The following ATXN7L1 variants were observed in gnomAD, a reference collection of about 807,000 sequenced individuals.
ATXN7L1 encodes the protein ataxin 7 like 1.
ATXN7L1 carries 15 observed loss-of-function variants against 70.8 expected under a neutral mutation model. The observed-to-expected ratio is 0.21, with a 90% confidence interval of 0.14 to 0.33. The LOEUF (loss-of-function observed/expected upper bound fraction) is 0.33. Ranked by LOEUF, ATXN7L1 falls within the 10% of genes least tolerant of loss-of-function variation. The pLI is 1.00. For synonymous variants in ATXN7L1, 440 were observed against 445.1 expected (o/e 0.99, Z 0.14); for missense variants, 975 against 1,097.1 (o/e 0.89, Z 1.57).
intron 2 of ATXN7L1, among the ~76,000 whole-genome samples, chr7:105,835,090 T>C (rs200484301): frequency 2.7e-5 from 4 of 150,282 alleles, no homozygotes; most frequent in South Asian, 4.2e-4. Flanking sequence ...GGCTTCACTT[T>C]CTGTGCTCCA....
intron 3 of ATXN7L1, among the ~76,000 whole-genome samples, chr7:105,752,664 C>T (rs1799347302): frequency 1.3e-5 from 2 of 152,158 alleles, no homozygotes; most frequent in South Asian, 4.1e-4. Context: ...CAACCCAGGT[C>T]CCAAGAAGAT....
chr7:105,626,461 C>T (rs983926333), intron 7 of ATXN7L1, among the ~76,000 whole-genome samples: 1 of 152,126 alleles, frequency 6.6e-6, no homozygotes, highest in African/African-American at 2.4e-5. Context: ...CTAAACTAGA[C>T]ACTTAAAAAT....
intron 2 of ATXN7L1, among the ~76,000 whole-genome samples, chr7:105,816,653 G>A (rs551700411): frequency 6.6e-6 from 1 of 152,196 alleles, no homozygotes; most frequent in Non-Finnish European, 1.5e-5. Context: ...CCTGTTCCTG[G>A]CCCAAGTGGA....
chr7:105,735,882 G>A (rs972620), intron 3 of ATXN7L1, among the ~76,000 whole-genome samples: 31,285 of 151,986 alleles, frequency 0.21, 3,446 homozygotes, highest in East Asian at 0.33. Flanking sequence ...TATTAATCAA[G>A]CCTAAGCCAC....
chr7:105,769,912 C>A (rs1207831764), intron 3 of ATXN7L1, among the ~76,000 whole-genome samples: 2 of 152,180 alleles, frequency 1.3e-5, no homozygotes, highest in Non-Finnish European at 2.9e-5. Flanking sequence ...TTTTCCTGAT[C>A]CTTGCCAGTG....
intron 3 of ATXN7L1, among the ~76,000 whole-genome samples, chr7:105,733,525 T>TCCATTCATCCATCCAC (rs1796835894): frequency 1.8e-5 from 2 of 114,196 alleles, no homozygotes; most frequent in Non-Finnish European, 1.8e-5. Context: ...CACCCATCCA[T>TCCATTCATCCATCCAC]CCATCCATCC....
At chr7:105,854,064 C>G (rs1291177558) in intron 2 of ATXN7L1, among the ~76,000 whole-genome samples, 1 of 152,186 alleles carries the variant, frequency 6.6e-6, no homozygotes, top group Non-Finnish European at 1.5e-5. Flanking sequence ...TTCCCTCCAC[C>G]CCCAGAGCCC....
chr7:105,705,504 T>C (rs1275237022), intron 3 of ATXN7L1, among the ~76,000 whole-genome samples: 1 of 152,180 alleles, frequency 6.6e-6, no homozygotes, highest in Non-Finnish European at 1.5e-5. Flanking sequence ...GATTGACATA[T>C]GGCCTTGAGG....
In ATXN7L1 at chr7:105,664,575, G is replaced by GTGTGTGTATGTGTGTATATATATATA; in HGVS notation, c.578+490_578+491insTATATATATATACACACATACACACA. 3.6e-4 allele frequency among the ~76,000 whole-genome samples: 48 copies of GTGTGTGTATGTGTGTATATATATATA among 131,978 alleles called. 1 individual carries two copies. Among genetic ancestry groups the GTGTGTGTATGTGTGTATATATATATA allele is most frequent in the Admixed American group, 1.0e-3 (14 of 13,494 alleles). The allele number at this position is 131,978 out of a possible 152,430, so 86.6% of individuals were successfully genotyped here. On this transcript the variant is annotated intron_variant, in intron 4 of 11. Coordinates refer to ENST00000419735, the MANE Select transcript of ATXN7L1 (RefSeq NM_020725.2). ...ACATATATATATTATGTATGTGTGT[G>GTGTGTGTATGTGTGTATATATATATA]TATATATATATATTTGAGACAGAGT... is the stretch of plus-strand genomic sequence containing the variant.
intron 9 of ATXN7L1, among the ~76,000 whole-genome samples, chr7:105,615,578 C>A (rs1793765438): frequency 6.6e-6 from 1 of 152,198 alleles, no homozygotes; most frequent in African/African-American, 2.4e-5. Context: ...GCCCATTCTA[C>A]CTTAGCTCTT....
intron 3 of ATXN7L1, among the ~76,000 whole-genome samples, chr7:105,713,093 C>T (rs1292944716): frequency 6.6e-6 from 1 of 152,184 alleles, no homozygotes; most frequent in Non-Finnish European, 1.5e-5. Context: ...CGTGGCAGAG[C>T]AGGAGAGAGA....
chr7:105,772,413 C>A (rs1213882597), intron 3 of ATXN7L1, among the ~76,000 whole-genome samples: 1 of 152,016 alleles, frequency 6.6e-6, no homozygotes, highest in Non-Finnish European at 1.5e-5. Flanking sequence ...TACTGCTTTA[C>A]AAGAGAGACA....
intron 2 of ATXN7L1, among the ~76,000 whole-genome samples, chr7:105,796,293 C>A (rs1210970245): frequency 6.6e-6 from 1 of 152,140 alleles, no homozygotes; most frequent in African/African-American, 2.4e-5. Flanking sequence ...AACCGTGAGG[C>A]GGAGCTTGCA....
intron 9 of ATXN7L1, among the ~76,000 whole-genome samples, chr7:105,619,140 G>GTTTTTTTTTTGTTTTTTTT (rs1794391170): frequency 2.0e-5 from 1 of 49,844 alleles, no homozygotes; most frequent in Non-Finnish European, 3.3e-5. Context: ...GAAATCTTTA[G>GTTTTTTTTTTGTTTTTTTT]TTTTTTTTTT....
At chr7:105,812,635 C>G (rs1808594205) in intron 2 of ATXN7L1, among the ~76,000 whole-genome samples, 1 of 152,120 alleles carries the variant, frequency 6.6e-6, no homozygotes, top group Admixed American at 6.6e-5. Flanking sequence ...CAGTTACGGC[C>G]CACTCACTGT....
intron 3 of ATXN7L1, among the ~76,000 whole-genome samples, chr7:105,675,761 A>C (rs1233288058): frequency 6.6e-6 from 1 of 152,252 alleles, no homozygotes; most frequent in East Asian, 1.9e-4. Flanking sequence ...AACAGACAAC[A>C]ACAAAACACT....
chr7:105,727,777 TACAC>T (rs1274006496), intron 3 of ATXN7L1, among the ~76,000 whole-genome samples: 42 of 90,192 alleles, frequency 4.7e-4, no homozygotes, highest in African/African-American at 2.4e-3. Flanking sequence ...TATATATATA[TACAC>T]ACACATACAC....
intron 3 of ATXN7L1, among the ~76,000 whole-genome samples, chr7:105,668,894 ACT>A (rs1803071870): frequency 6.6e-6 from 1 of 151,556 alleles, no homozygotes; most frequent in African/African-American, 2.4e-5. Context: ...ACAGAGCAAG[ACT>A]CTCTCTGAAA....
At chr7:105,808,647 T>C (rs867197909) in intron 2 of ATXN7L1, among the ~76,000 whole-genome samples, 7 of 152,230 alleles carry the variant, frequency 4.6e-5, no homozygotes, top group African/African-American at 1.7e-4. Context: ...ACTGCTAGGA[T>C]GTCACTTTGC....
Sources: gnomAD v4.1 joint callset for allele counts (sites outside exome capture counted in the v4.1 genomes callset) on GRCh38, gnomAD v4.1.1 for gene constraint, MANE v1.5 for transcripts, NCBI Gene and HGNC (gene_info 2026-07-23, HGNC 2026-07-21) for gene names.